Variants in EIF1AX observed in about 807,000 individuals in gnomAD.
EIF1AX encodes the protein eukaryotic translation initiation factor 1A, X-chromosomal.
In EIF1AX, 1 loss-of-function variant was observed where a neutral mutation model predicts 16.1. The ratio of observed to expected loss-of-function variants is 0.06; its 90% CI spans 0.02 to 0.30. The LOEUF is 0.30. Ranked by LOEUF, EIF1AX falls within the 10% of genes least tolerant of loss-of-function variation. The pLI is 1.00. For synonymous variants in EIF1AX, 32 were observed against 37.3 expected (o/e 0.86, Z 0.51); for missense variants, 11 against 109.1 (o/e 0.10, Z 4.00).
Position 20,126,356 on chromosome X carries a change from C to T in EIF1AX, c.*1950G>A, listed in dbSNP as rs1223949081. ...CCCAACTATTTTAATCACTATGATTCGAGATTTCCTAGGATTTAACAGCCC... is the reference window on the plus strand; with the variant it reads ...CCCAACTATTTTAATCACTATGATTTGAGATTTCCTAGGATTTAACAGCCC... On this transcript the variant is annotated 3_prime_UTR_variant, in exon 7 of 7. Transcript: ENST00000379607. 1 of 122,760 alleles carries T rather than the reference C, an allele frequency of 8.1e-6. No individual in the cohort carries two copies. Among genetic ancestry groups the T allele is most frequent in the Non-Finnish European group, 1.6e-5 (1 of 64,371 alleles). 10.1% of individuals were successfully genotyped at this position (122,760 alleles called of 1,213,427 possible).
At chrX:20,134,950 C>T (rs764807846) in intron 3 of EIF1AX, among the ~76,000 whole-genome samples, 83 of 111,612 alleles carry the variant, frequency 7.4e-4, no homozygotes, top group African/African-American at 2.7e-3. Context: ...AACATTAATA[C>T]AATGCTTATA....
chrX:20,137,401 G>A (rs1280265799), intron 2 of EIF1AX, among the ~76,000 whole-genome samples: 1 of 110,684 alleles, frequency 9.0e-6, no homozygotes. Flanking sequence ...AGCCGAGATC[G>A]CGCCACTGCA....
chrX:20,132,157 G>C, intron 5 of EIF1AX, 25 bp downstream of exon 5: 1 of 1,144,735 alleles, frequency 8.7e-7, no homozygotes, highest in African/African-American at 1.8e-5. Flanking sequence ...CATATGACAA[G>C]TTAATACAGT....
chrX:20,131,679 G>GTT (rs758358275), intron 5 of EIF1AX, among the ~76,000 whole-genome samples: 6 of 85,825 alleles, frequency 7.0e-5, no homozygotes, highest in Non-Finnish European at 9.1e-5. Flanking sequence ...TTGCTTCATG[G>GTT]TTTTTTTTTT....
chrX:20,138,850 T>C (rs2067025658), intron 1 of EIF1AX, among the ~76,000 whole-genome samples: 2 of 112,011 alleles, frequency 1.8e-5, no homozygotes, highest in South Asian at 7.4e-4. Context: ...GGGATTTTTC[T>C]GACATAAAAT....
Position 20,125,030 on chromosome X carries a change from T to A in EIF1AX, c.*3276A>T, listed in dbSNP as rs2066980764. 6.9e-6 allele frequency: 1 copy of A among 144,171 alleles called. No individual in the cohort carries two copies. Among genetic ancestry groups the A allele is most frequent in the South Asian group, 3.4e-4 (1 of 2,963 alleles). The allele number at this position is 144,171 out of a possible 1,213,427, so 11.9% of individuals were successfully genotyped here. On this transcript the variant is annotated 3_prime_UTR_variant, in exon 7 of 7. Transcript: ENST00000379607. ...CATGTATAAACATCTAAATTATCAA[T>A]CCTCCCAACAATTCTGCATGACAGG...
At chrX:20,133,932 G>A (rs1304682375) in intron 4 of EIF1AX, 25 bp downstream of exon 4, 2 of 1,150,027 alleles carry the variant, frequency 1.7e-6, no homozygotes, top group Admixed American at 2.5e-5. Context: ...CAGTAAAATA[G>A]GAAAAATTTA....
intron 1 of EIF1AX, chrX:20,139,984 C>T (rs1418452535): frequency 8.9e-6 from 1 of 112,443 alleles, no homozygotes; most frequent in Admixed American, 9.4e-5. Context: ...CGGATCACTC[C>T]CCTTTGTATT....
chrX:20,135,779 C>T lies in EIF1AX; in HGVS notation c.163G>A (p.Val55Ile), dbSNP rs767982673. ...CCTCTGATGTGACATAACCTCTTTA[C>T]ACCATCGAAACACATTGCTTCTAGC... ...GRLEAMCFDG[V>I]KRLCHIRGKL... Residue 55 changes from valine to isoleucine, a missense_variant, in exon 3 of 7, where the codon GTA becomes ATA. By Grantham distance (29) the Val-to-Ile change is conservative. Transcript: ENST00000379607. The T allele has an allele frequency of 4.1e-6, 5 of 1,208,162 alleles. No individual in the cohort carries two copies.
chrX:20,128,156 T>TA lies in EIF1AX; in HGVS notation c.*149dup, dbSNP rs750721145. 29 of 509,595 alleles carry TA rather than the reference T, an allele frequency of 5.7e-5. No individual in the cohort carries two copies. The highest frequency in any genetic ancestry group is 4.3e-4 in the African/African-American group (17 of 39,596). 42.0% of individuals were successfully genotyped at this position (509,595 alleles called of 1,213,427 possible). ...GATAATTCAGCATTATTATCAGTTT[T>TA]AAAAAAACCAAAAATATCTTAGAAA... On this transcript the variant is annotated 3_prime_UTR_variant, in exon 7 of 7. Transcript: ENST00000379607.
At position 20,125,477 on chromosome X, in the gene EIF1AX, G is replaced by C. The variant is rs1386215905; in HGVS notation, c.*2829C>G. 5.9e-6 allele frequency: 1 copy of C among 169,956 alleles called. No homozygotes were observed. The highest frequency in any genetic ancestry group is 1.1e-5 in the Non-Finnish European group (1 of 88,828). The allele number at this position is 169,956 out of a possible 1,213,427, so 14.0% of individuals were successfully genotyped here. Reference sequence around the variant, plus strand: ...ACTTACCCTTACGAAGTAGAATAAAGATAAGCATTTCATACCAATACAAAT... The same window carrying C: ...ACTTACCCTTACGAAGTAGAATAAACATAAGCATTTCATACCAATACAAAT... On this transcript the variant is annotated 3_prime_UTR_variant, in exon 7 of 7. Transcript: ENST00000379607.
At chrX:20,141,338 G>C in intron 1 of EIF1AX, among the ~76,000 whole-genome samples, 1 of 111,851 alleles carries the variant, frequency 8.9e-6, no homozygotes, top group Middle Eastern at 4.6e-3. Flanking sequence ...CGTCCCCACC[G>C]AGCAGCGGTC....
chrX:20,139,470 C>A (rs1703323530), intron 1 of EIF1AX, among the ~76,000 whole-genome samples: 1 of 111,731 alleles, frequency 9.0e-6, no homozygotes, highest in African/African-American at 3.3e-5. Context: ...GTGAGTAAAT[C>A]AGTTCACTGA....
intron 2 of EIF1AX, 72 bp downstream of exon 2, chrX:20,138,467 C>CA (rs1245577433): frequency 1.7e-5 from 15 of 904,697 alleles, no homozygotes; most frequent in Non-Finnish European, 2.4e-5. Context: ...GACGCTGTCT[C>CA]AAAAAAATAA....
At chrX:20,132,933 T>C (rs1464881234) in intron 4 of EIF1AX, among the ~76,000 whole-genome samples, 1 of 112,215 alleles carries the variant, frequency 8.9e-6, no homozygotes, top group African/African-American at 3.2e-5. Flanking sequence ...GACAGTGTGA[T>C]TCAGACCAGT....
In EIF1AX at chrX:20,135,849, G is replaced by A. The variant is rs2067015010; in HGVS notation, c.101-8C>T. On this transcript the variant is annotated splice_polypyrimidine_tract_variant and splice_region_variant and intron_variant, in intron 2 of 6. Transcript: ENST00000379607. Reference sequence around the variant, plus strand: ...TGATTACCTGAGCATACTCTAGCGGGGAGAAAGGAAAAGGGTATGGAATAT... The same window carrying A: ...TGATTACCTGAGCATACTCTAGCGGAGAGAAAGGAAAAGGGTATGGAATAT... 1 of 1,157,334 alleles carries A rather than the reference G, an allele frequency of 8.6e-7. No individual in the cohort carries two copies. Among genetic ancestry groups the A allele is most frequent in the Middle Eastern group, 2.4e-4 (1 of 4,214 alleles).
intron 6 of EIF1AX, among the ~76,000 whole-genome samples, chrX:20,130,201 G>T (rs1603414943): frequency 9.5e-6 from 1 of 105,663 alleles, no homozygotes; most frequent in Non-Finnish European, 1.9e-5. Context: ...TATTCAGGAG[G>T]CTGAGGCAGG....
In EIF1AX at chrX:20,125,851, T is replaced by C. The variant is rs2066983606; in HGVS notation, c.*2455A>G. The C allele has an allele frequency of 6.4e-6, 1 of 155,561 alleles. No homozygotes were observed. Among genetic ancestry groups the C allele is most frequent in the African/African-American group, 3.1e-5 (1 of 32,549 alleles). 12.8% of individuals were successfully genotyped at this position (155,561 alleles called of 1,213,427 possible). On this transcript the variant is annotated 3_prime_UTR_variant, in exon 7 of 7. Transcript: ENST00000379607. ...GAGTAAACCAACAGCCATTCCTAAATAAAATACAAGAATTTCCATCATGCA... is the reference window on the plus strand; with the variant it reads ...GAGTAAACCAACAGCCATTCCTAAACAAAATACAAGAATTTCCATCATGCA...
intron 6 of EIF1AX, among the ~76,000 whole-genome samples, chrX:20,129,264 G>T (rs762402870): frequency 9.0e-6 from 1 of 111,268 alleles, no homozygotes; most frequent in Admixed American, 9.6e-5. Flanking sequence ...TTCCATCTTT[G>T]CATCAAATTT....
Sources: gnomAD v4.1 joint callset for allele counts (sites outside exome capture counted in the v4.1 genomes callset) on GRCh38, gnomAD v4.1.1 for gene constraint, MANE v1.5 for transcripts, NCBI Gene and HGNC (gene_info 2026-07-23, HGNC 2026-07-21) for gene names.